Variants in NEK9 observed in about 807,000 individuals in gnomAD.
The protein encoded by NEK9 is serine/threonine-protein kinase Nek9.
In NEK9, 75 loss-of-function variants were observed where a neutral mutation model predicts 123.4. The ratio of observed to expected loss-of-function variants is 0.61; its 90% CI spans 0.50 to 0.74. The LOEUF (loss-of-function observed/expected upper bound fraction) is 0.74, where lower values mean the gene tolerates loss of function less well. Among genes scored for constraint, NEK9 ranks in the 30% least tolerant of loss-of-function variants. The pLI, the probability that NEK9 is intolerant of heterozygous loss-of-function variation, is 0.00. For missense variants in NEK9, 952 were observed against 1,214.4 expected, an observed-to-expected ratio of 0.78 and a Z score of 3.21; for synonymous variants, 438 against 458.7, an observed-to-expected ratio of 0.95 and a Z score of 0.58.
chr14:75,124,891 T>C (rs945734697), intron 1 of NEK9, among the ~76,000 whole-genome samples: 3 of 151,398 alleles, frequency 2.0e-5, no homozygotes, highest in Non-Finnish European at 4.4e-5. Flanking sequence ...CCACCTCAGC[T>C]TCCCCAGTAG....
At chr14:75,090,922 G>GT (rs914484626) in intron 19 of NEK9, among the ~76,000 whole-genome samples, 1 of 152,086 alleles carries the variant, frequency 6.6e-6, no homozygotes, top group African/African-American at 2.4e-5. Flanking sequence ...TTTTCCTATT[G>GT]TAAGGCATTC....
intron 15 of NEK9, 91 bp from the exon 16 acceptor site, chr14:75,101,244 C>T (rs949140128): frequency 1.2e-5 from 16 of 1,332,730 alleles, no homozygotes; most frequent in Admixed American, 5.0e-5. Context: ...GATTAGCTTC[C>T]GGTTGTTAGA....
chr14:75,098,620 C>T (rs1263067167), intron 16 of NEK9, among the ~76,000 whole-genome samples: 1 of 152,158 alleles, frequency 6.6e-6, no homozygotes, highest in Non-Finnish European at 1.5e-5. Flanking sequence ...CTGTGCTAGT[C>T]CCCTATTCTA....
At chr14:75,106,481 C>T (rs528900482) in intron 12 of NEK9, 21 bp downstream of exon 12, 1 of 1,610,708 alleles carries the variant, frequency 6.2e-7, no homozygotes, top group African/African-American at 1.3e-5. Context: ...AAGAAGTGGA[C>T]AGAGACAAGG....
intron 21 of NEK9, among the ~76,000 whole-genome samples, chr14:75,085,447 G>A (rs1893991179): frequency 6.6e-6 from 1 of 152,238 alleles, no homozygotes; most frequent in Admixed American, 6.5e-5. Context: ...GCAAAGCCAA[G>A]GGCCTAACCC....
chr14:75,113,130 T>C (rs1895011445), intron 8 of NEK9, among the ~76,000 whole-genome samples: 2 of 152,212 alleles, frequency 1.3e-5, no homozygotes, highest in South Asian at 2.1e-4. Flanking sequence ...CTCTTGGGCC[T>C]CATTAGTACA....
intron 17 of NEK9, among the ~76,000 whole-genome samples, chr14:75,095,761 T>C (rs990212381): frequency 4.6e-5 from 7 of 151,630 alleles, no homozygotes; most frequent in African/African-American, 1.7e-4. Context: ...GTGGTGGCAC[T>C]GGCCTGTAGT....
At chr14:75,127,142 C>A (rs1895570571), upstream of NEK9, 4 of 476,222 alleles carry the variant, frequency 8.4e-6, no homozygotes, top group Non-Finnish European at 1.1e-5. Flanking sequence ...AGTCTAGCGG[C>A]CAAGGCTTCC....
intron 12 of NEK9, 118 bp downstream of exon 12, chr14:75,106,384 A>C (rs1566650877): frequency 2.7e-6 from 2 of 735,402 alleles, no homozygotes; most frequent in Non-Finnish European, 4.4e-6. Flanking sequence ...AAAAAAAAAA[A>C]AGATTTACTG....
chr14:75,110,217 A>G, intron 9 of NEK9, 104 bp downstream of exon 9: 1 of 846,202 alleles, frequency 1.2e-6, no homozygotes, highest in Admixed American at 2.4e-5. Context: ...GGCTCCTGAA[A>G]GGATGCCAAA....
intron 1 of NEK9, among the ~76,000 whole-genome samples, chr14:75,125,188 G>A (rs1297435951): frequency 6.6e-6 from 1 of 152,104 alleles, no homozygotes; most frequent in Non-Finnish European, 1.5e-5. Flanking sequence ...AGACTCTGAT[G>A]AAGCTTTTAC....
chr14:75,109,777 C>T lies in NEK9; in HGVS notation c.1090G>A (p.Val364Ile), dbSNP rs1335976661. The change falls in exon 10 of 22, where the codon GTT becomes ATT. Residue 364 changes from valine (V) to isoleucine (I), a missense_variant. By Grantham distance (29) the Val-to-Ile change is conservative. Coordinates refer to ENST00000238616, the MANE Select transcript of NEK9 (RefSeq NM_033116.6). ...CGGGCACTACAGCCACTCTTGATAA[C>T]ATCCAGTTTCTGGGGGGTGGATTTT... is the stretch of plus-strand genomic sequence containing the variant. The part of the protein sequence containing the change: ...GGKSTPQKLD[V>I]IKSGCSARQV... 2.5e-6 allele frequency: 4 copies of T among 1,614,044 alleles called. No individual in the cohort carries two copies. Among genetic ancestry groups the T allele is most frequent in the Non-Finnish European group, 3.4e-6 (4 of 1,180,020 alleles).
At chr14:75,119,290 G>A (rs1412797311) in intron 4 of NEK9, among the ~76,000 whole-genome samples, 2 of 151,912 alleles carry the variant, frequency 1.3e-5, no homozygotes, top group Non-Finnish European at 2.9e-5. Flanking sequence ...TCCAGCCTGG[G>A]CAACAGGGTG....
Position 75,082,800 on chromosome 14 carries a change from G to A in NEK9, c.*1764C>T. 1 of 396,110 alleles carries A rather than the reference G, an allele frequency of 2.5e-6. No individual in the cohort carries two copies. Among genetic ancestry groups the A allele is most frequent in the Non-Finnish European group, 4.4e-6 (1 of 225,050 alleles). 24.5% of individuals were successfully genotyped at this position (396,110 alleles called of 1,614,324 possible). A position where few individuals can be genotyped will look rare whatever the true frequency, so the allele number is the denominator to read the frequency against. On this transcript the variant is annotated 3_prime_UTR_variant, in exon 22 of 22. Coordinates refer to ENST00000238616, the MANE Select transcript of NEK9 (RefSeq NM_033116.6). The stretch of plus-strand genomic sequence containing the variant: ...TCAATCGGTCCTCAAGAAAATCAAA[G>A]TTGCATTTACATGCTGAACCAAAAC...
intron 6 of NEK9, 62 bp from the exon 7 acceptor site, chr14:75,114,375 G>T: frequency 7.8e-7 from 1 of 1,277,640 alleles, no homozygotes; most frequent in Non-Finnish European, 1.1e-6. Context: ...TACTCTACTG[G>T]TAGGGGCTCT....
At chr14:75,105,899 A>G (rs554746510) in intron 13 of NEK9, 51 bp downstream of exon 13, 1 of 1,354,730 alleles carries the variant, frequency 7.4e-7, no homozygotes, top group South Asian at 1.2e-5. Context: ...ATATTATTGG[A>G]GTCTGTGCGA....
chr14:75,107,690 A>T (rs1428028411), intron 10 of NEK9, among the ~76,000 whole-genome samples: 1 of 152,042 alleles, frequency 6.6e-6, no homozygotes. Flanking sequence ...TGAAGTTTTA[A>T]TTTTTCATGC....
chr14:75,086,300 G>C (rs1315484765), intron 21 of NEK9: 1 of 151,462 alleles, frequency 6.6e-6, no homozygotes, highest in Non-Finnish European at 1.5e-5. Context: ...ATATAATGTG[G>C]GATTCTTGAC....
chr14:75,104,114 G>C, intron 13 of NEK9, 117 bp from the exon 14 acceptor site: 1 of 1,024,374 alleles, frequency 9.8e-7, no homozygotes, highest in Non-Finnish European at 1.4e-6. Flanking sequence ...ACAGGAAAGT[G>C]AGGACTGCTC....
Sources: allele counts gnomAD v4.1 joint callset (sites outside exome capture counted in the v4.1 genomes callset), GRCh38; gene constraint gnomAD v4.1.1; transcripts MANE v1.5; gene names NCBI Gene and HGNC (gene_info 2026-07-23, HGNC 2026-07-21).